SEMA6A: variants seen among roughly 807,000 people sequenced by gnomAD.
The protein encoded by SEMA6A is semaphorin-6A.
In SEMA6A, 25 loss-of-function variants were observed where a neutral mutation model predicts 96.8. The observed-to-expected ratio is 0.26, with a 90% confidence interval of 0.19 to 0.36. The LOEUF (loss-of-function observed/expected upper bound fraction) is 0.36, where lower values mean the gene tolerates loss of function less well. Ranked by LOEUF, SEMA6A falls within the 10% of genes least tolerant of loss-of-function variation. The probability of loss-of-function intolerance (pLI) is 1.00; values close to 1 mark genes in which losing one functional copy is unlikely to be tolerated. For missense variants in SEMA6A, 1,363 were observed against 1,323.1 expected (o/e 1.03, Z -0.47); for synonymous variants, 612 against 518.0 (o/e 1.18, Z -2.46).
chr5:116,491,306 A>C (rs1235388777), intron 7 of SEMA6A, among the ~76,000 whole-genome samples: 1 of 152,218 alleles, frequency 6.6e-6, no homozygotes, highest in African/African-American at 2.4e-5. Context: ...GACATAGAGC[A>C]TGGGAATGAA....
chr5:116,536,017 C>T (rs749354398), intron 1 of SEMA6A, among the ~76,000 whole-genome samples: 2 of 152,174 alleles, frequency 1.3e-5, no homozygotes, highest in African/African-American at 4.8e-5. Flanking sequence ...GATAAAGATG[C>T]CCACATGGCT....
chr5:116,488,317 C>T (rs1757163668), intron 8 of SEMA6A, 121 bp from the exon 9 acceptor site: 7 of 636,592 alleles, frequency 1.1e-5, no homozygotes, highest in Non-Finnish European at 1.9e-5. Context: ...ATTTGGTTAA[C>T]ACTAACCATT....
chr5:116,498,343 C>G (rs1199505365), intron 3 of SEMA6A: 2 of 152,062 alleles, frequency 1.3e-5, no homozygotes, highest in African/African-American at 4.8e-5. Flanking sequence ...TTTAAGTCCC[C>G]TCGTTACTTA....
chr5:116,457,835 T>C (rs1028446764), intron 18 of SEMA6A, among the ~76,000 whole-genome samples: 36 of 152,136 alleles, frequency 2.4e-4, no homozygotes, highest in African/African-American at 7.5e-4. Context: ...TTGCAAGAGT[T>C]TATCTATTAC....
At chr5:116,553,529 TAGGA>T (rs1176652761) in intron 1 of SEMA6A, among the ~76,000 whole-genome samples, 2 of 152,058 alleles carry the variant, frequency 1.3e-5, no homozygotes, top group African/African-American at 2.4e-5. Flanking sequence ...ATGGGGAAAA[TAGGA>T]AGGCATTAGA....
chr5:116,518,376 G>A (rs1758763157), intron 1 of SEMA6A, among the ~76,000 whole-genome samples: 1 of 152,302 alleles, frequency 6.6e-6, no homozygotes, highest in South Asian at 2.1e-4. Context: ...CAATTATCAG[G>A]AGGGAAGACA....
At chr5:116,490,654 G>A (rs1039409305) in intron 7 of SEMA6A, among the ~76,000 whole-genome samples, 2 of 152,140 alleles carry the variant, frequency 1.3e-5, no homozygotes, top group African/African-American at 4.8e-5. Flanking sequence ...TTCTTAACTT[G>A]ACAATCTATC....
chr5:116,521,294 G>A (rs1419623305), intron 1 of SEMA6A, among the ~76,000 whole-genome samples: 1 of 152,214 alleles, frequency 6.6e-6, no homozygotes, highest in Non-Finnish European at 1.5e-5. Flanking sequence ...GATTGCCAAT[G>A]ACACACAGAC....
chr5:116,504,700 T>C, intron 2 of SEMA6A, 145 bp downstream of exon 2: 2 of 604,304 alleles, frequency 3.3e-6, no homozygotes, highest in African/African-American at 1.8e-5. Flanking sequence ...TCAATTTGAC[T>C]AGACTTGAAT....
rs145168788 is a variant in SEMA6A, at chr5:116,548,558, T to C, written c.-39+25627A>G. On this transcript the variant is annotated intron_variant, in intron 1 of 18. Transcript: ENST00000343348. ...AATGCTGCATACCACGGAAAAGTTATTGTTGTGTTTAAACAACACATTTTT... is the reference window on the plus strand; with the variant it reads ...AATGCTGCATACCACGGAAAAGTTACTGTTGTGTTTAAACAACACATTTTT... 5.1e-3 allele frequency among the ~76,000 whole-genome samples: 784 copies of C among 152,334 alleles called. 6 individuals carry two copies. The highest frequency in any genetic ancestry group is 0.018 in the African/African-American group (733 of 41,576).
At position 116,446,025 on chromosome 5, in the gene SEMA6A, C is replaced by CA. The variant is rs1754155561; in HGVS notation, c.*587dup. The CA allele has an allele frequency of 6.5e-6, 1 of 152,672 alleles. No homozygotes were observed. The allele number at this position is 152,672 out of a possible 1,614,324, so 9.5% of individuals were successfully genotyped here. A position where few individuals can be genotyped will look rare whatever the true frequency, so the allele number is the denominator to read the frequency against. On this transcript the variant is annotated 3_prime_UTR_variant, in exon 19 of 19. Coordinates refer to ENST00000343348, the MANE Select transcript of SEMA6A (RefSeq NM_020796.5). ...TATCTGCTGCAACAGAAAGCTGTAA[C>CA]ACTGGCGGGCATTTCACAGTATTTG...
intron 18 of SEMA6A, among the ~76,000 whole-genome samples, chr5:116,457,493 C>T (rs1397554711): frequency 6.6e-6 from 1 of 151,918 alleles, no homozygotes; most frequent in Non-Finnish European, 1.5e-5. Context: ...AGGAATGCAT[C>T]CTTTTAAAAA....
intron 1 of SEMA6A, among the ~76,000 whole-genome samples, chr5:116,540,084 C>T (rs1282466195): frequency 6.6e-6 from 1 of 152,126 alleles, no homozygotes; most frequent in Non-Finnish European, 1.5e-5. Flanking sequence ...AACCCCTTTT[C>T]TTCCACTGGT....
chr5:116,511,335 A>G (rs1758392887), intron 1 of SEMA6A, among the ~76,000 whole-genome samples: 1 of 152,200 alleles, frequency 6.6e-6, no homozygotes, highest in South Asian at 2.1e-4. Context: ...AATTTTTTAA[A>G]AAAAAATTTC....
chr5:116,489,001 T>C lies in SEMA6A; in HGVS notation c.542A>G (p.Lys181Arg), dbSNP rs367864204. ...HANVALFADG[K>R]LYSATVTDFL... is the part of the protein sequence containing the mutation. ...GTCAGTCACTGTGGCTGAGTATAGTTTTCCATCTTAGAAGAAAAAGAAAAG... is the reference window on the plus strand; with the variant it reads ...GTCAGTCACTGTGGCTGAGTATAGTCTTCCATCTTAGAAGAAAAAGAAAAG... Residue 181 changes from lysine to arginine, a missense_variant, in exon 8 of 19, where the codon AAA becomes AGA. Coordinates refer to ENST00000343348, the MANE Select transcript of SEMA6A (RefSeq NM_020796.5). 5 of 1,565,436 alleles carry C rather than the reference T, an allele frequency of 3.2e-6. No homozygotes were observed. The African/African-American group carries it at 4.1e-5, about 13-fold the overall frequency.
Position 116,476,163 on chromosome 5 carries a change from C to A in SEMA6A, c.1650-560G>T, listed in dbSNP as rs373207754. On this transcript the variant is annotated intron_variant, in intron 15 of 18. Transcript: ENST00000343348. Reference sequence around the variant, plus strand: ...TGTTCACTCCCAGCCCTGCCCCAGTCCTTGGGAGTATTACTCTCATTCTCT... The same window carrying A: ...TGTTCACTCCCAGCCCTGCCCCAGTACTTGGGAGTATTACTCTCATTCTCT... 7.9e-4 allele frequency among the ~76,000 whole-genome samples: 120 copies of A among 152,206 alleles called. 1 individual carries two copies. In the South Asian group the frequency reaches 0.012, roughly 15 times the overall value.
At chr5:116,519,071 C>T (rs994892256) in intron 1 of SEMA6A, among the ~76,000 whole-genome samples, 13 of 151,676 alleles carry the variant, frequency 8.6e-5, no homozygotes, top group Non-Finnish European at 1.6e-4. Flanking sequence ...TCTATTTAAT[C>T]AGCTCTTTCC....
At chr5:116,531,568 T>C (rs909577978) in intron 1 of SEMA6A, among the ~76,000 whole-genome samples, 13 of 152,284 alleles carry the variant, frequency 8.5e-5, no homozygotes, top group Admixed American at 3.3e-4. Flanking sequence ...CTGTTAGATA[T>C]AGTGATTCCC....
rs376332713 is a variant in SEMA6A, at chr5:116,446,970, G to A, written c.2736C>T (p.Tyr912=). The A allele has an allele frequency of 1.6e-5, 26 of 1,613,812 alleles. No individual in the cohort carries two copies. Among genetic ancestry groups the A allele is most frequent in the East Asian group, 2.2e-5 (1 of 44,860 alleles). ...KRLEMHHSSS[Y]GVDYKRSYPT... ...GGTAGCTCCTCTTATAGTCAACCCC[G>A]TAGGAAGAGGAGTGGTGCATTTCCA... is the stretch of plus-strand genomic sequence containing the variant. Residue 912 remains tyrosine (Y), a synonymous_variant, in exon 19 of 19, where the codon TAC becomes TAT. Coordinates refer to ENST00000343348, the MANE Select transcript of SEMA6A (RefSeq NM_020796.5).
Sources: allele counts gnomAD v4.1 joint callset (sites outside exome capture counted in the v4.1 genomes callset), GRCh38; gene constraint gnomAD v4.1.1; transcripts MANE v1.5; gene names NCBI Gene and HGNC (gene_info 2026-07-23, HGNC 2026-07-21).